The following MIB1 variants were observed in gnomAD, a reference collection of about 807,000 sequenced individuals.
The protein encoded by MIB1 is MIB E3 ubiquitin protein ligase 1, also known as E3 ubiquitin-protein ligase MIB1.
Under a neutral mutation model 124.5 loss-of-function variants are expected in MIB1, and 278 were observed. The observed-to-expected ratio is 2.23, with a 90% CI of 2.02 to 2.47. The LOEUF is 2.47. Among genes scored for constraint, MIB1 ranks in the 30% most tolerant of loss-of-function variants. The pLI is 0.00. For synonymous variants in MIB1, 446 were observed against 429.4 expected (o/e 1.04, Z -0.48); for missense variants, 957 against 1,254.4 (o/e 0.76, Z 3.58).
At position 21,735,473 on chromosome 18, in the gene MIB1, GT is replaced by G. The variant is rs541103508; in HGVS notation, n.168-30285del. Among the ~76,000 whole-genome samples the G allele has an allele frequency of 3.9e-3, 570 of 145,284 alleles. 3 individuals are homozygous for G. The highest frequency in any genetic ancestry group is 9.7e-3 in the African/African-American group (387 of 39,930). ...GGCAGATACTGAGCTAGCTGCAAGG[GT>G]TTTTTTTTTTTTTCATACCCCGGTG... On this transcript the variant is annotated intron_variant and non_coding_transcript_variant, in intron 1 of 20. Transcript: ENST00000578646.
At chr18:21,829,503 A>T (rs898097261) in intron 12 of MIB1, 3 of 152,298 alleles carry the variant, frequency 2.0e-5, no homozygotes, top group African/African-American at 4.8e-5. Flanking sequence ...TACAAACTAG[A>T]TATCTTACTC....
At chr18:21,731,733 C>CAAAAAAAAAAAAAAAAAAAAAAAAAAAA (rs1229088832) in intron 1 of MIB1, among the ~76,000 whole-genome samples, 1 of 35,896 alleles carries the variant, frequency 2.8e-5, no homozygotes, top group Non-Finnish European at 5.0e-5. Context: ...CCCCGTCTCA[C>CAAAAAAAAAAAAAAAAAAAAAAAAAAAA]AAAAAAAAAA....
At position 21,847,041 on chromosome 18, in the gene MIB1, A is replaced by G; in HGVS notation, c.2309A>G (p.Asn770Ser). Reference protein sequence around the residue: ...AANGADLSIRNKKGQSPLDLC... With the variant: ...AANGADLSIRSKKGQSPLDLC... ...AATGGTGCTGACCTGAGCATTCGAA[A>G]TAAGAAGGGTCAATCGCCACTTGAT... is the stretch of plus-strand genomic sequence containing the variant. The change falls in exon 16 of 21, where the codon AAT becomes AGT. Residue 770 changes from asparagine (N) to serine (S), a missense_variant. Physicochemically the swap from Asn to Ser is conservative, Grantham distance 46. Transcript: ENST00000261537. 2 of 1,614,192 alleles carry G rather than the reference A, an allele frequency of 1.2e-6. No individual in the cohort carries two copies. The highest frequency in any genetic ancestry group is 1.7e-6 in the Non-Finnish European group (2 of 1,180,026).
intron 12 of MIB1, among the ~76,000 whole-genome samples, chr18:21,834,874 TCAA>T (rs1450638691): frequency 2.0e-5 from 3 of 152,202 alleles, no homozygotes; most frequent in Non-Finnish European, 4.4e-5. Flanking sequence ...TAACAGCGCT[TCAA>T]CATTGGTTTA....
chr18:21,744,135 T>C (rs975225683), intron 1 of MIB1, among the ~76,000 whole-genome samples: 1 of 149,992 alleles, frequency 6.7e-6, no homozygotes, highest in Non-Finnish European at 1.5e-5. Context: ...TGAGCAAAAT[T>C]GTAAGCTCCT....
rs116984195 is a variant in MIB1, at chr18:21,743,974, A to T, written c.229+2162A>T. The stretch of plus-strand genomic sequence containing the variant: ...AGATAATTTTATACATTAATTTGTT[A>T]TATGTAGTGGTTTATCTTGTTCATT... On this transcript the variant is annotated intron_variant, in intron 1 of 20. Transcript: ENST00000261537. 2.5e-3 allele frequency among the ~76,000 whole-genome samples: 379 copies of T among 152,072 alleles called. 9 individuals are homozygous for T. In the East Asian group the frequency reaches 0.056, roughly 22 times the overall value.
At chr18:21,766,358 A>G (rs2041158902) in intron 2 of MIB1, among the ~76,000 whole-genome samples, 1 of 151,252 alleles carries the variant, frequency 6.6e-6, no homozygotes, top group Non-Finnish European at 1.5e-5. Flanking sequence ...TATGGACACT[A>G]GAAGATAAAT....
Position 21,741,688 on chromosome 18 carries a change from T to C in MIB1, c.105T>C (p.His35=), listed in dbSNP as rs372098137. 56 of 1,611,368 alleles carry C rather than the reference T, an allele frequency of 3.5e-5. No individual in the cohort carries two copies. In the African/African-American group the frequency reaches 5.7e-4, roughly 17 times the overall value. ...KWGKQDGGEG[H]VGTVRSFESP... is the part of the protein sequence containing the mutation. Reference sequence around the variant, plus strand: ...GGAAGCAGGACGGCGGCGAGGGCCATGTGGGCACCGTCCGGAGCTTCGAGA... The same window carrying C: ...GGAAGCAGGACGGCGGCGAGGGCCACGTGGGCACCGTCCGGAGCTTCGAGA... Residue 35 remains histidine (H), a synonymous_variant, in exon 1 of 21, where the codon CAT becomes CAC. Coordinates refer to ENST00000261537, the MANE Select transcript of MIB1 (RefSeq NM_020774.4). The surrounding 1 kb of genome is among the most constrained non-coding windows in gnomAD (Gnocchi z 5.4).
intron 15 of MIB1, among the ~76,000 whole-genome samples, chr18:21,845,576 G>A (rs938361170): frequency 1.3e-5 from 2 of 152,018 alleles, no homozygotes; most frequent in African/African-American, 4.8e-5. Context: ...ATTTACTTGT[G>A]GATATCCAGT....
At chr18:21,836,652 TTTAAA>T (rs1239621920) in intron 12 of MIB1, among the ~76,000 whole-genome samples, 5 of 152,372 alleles carry the variant, frequency 3.3e-5, no homozygotes, top group South Asian at 2.1e-4. Context: ...ACAATTTTTG[TTTAAA>T]TTAATGACAA....
chr18:21,731,355 T>C (rs1002886413), intron 1 of MIB1, among the ~76,000 whole-genome samples: 1 of 152,240 alleles, frequency 6.6e-6, no homozygotes, highest in Non-Finnish European at 1.5e-5. Flanking sequence ...TGCTGAGTAT[T>C]ATTCTATTGT....
chr18:21,822,748 G>C (rs555564461), intron 12 of MIB1, among the ~76,000 whole-genome samples: 55 of 152,164 alleles, frequency 3.6e-4, no homozygotes, highest in African/African-American at 1.2e-3. Context: ...AAGACAGAAG[G>C]TGCCATTTTT....
chr18:21,858,569 CA>C lies in MIB1; in HGVS notation c.2807del (p.Lys936ArgfsTer32). ...DISSGNIPVLQKDKDNTNVNA... is the reference protein window; with the variant it reads ...DISSGNIPVLXKDKDNTNVNA... Reference sequence around the variant, plus strand: ...AGCAAGTGGGAATATTCCAGTATTACAAAAGGACAAGGATAATACCAATGTC... The same window carrying C: ...AGCAAGTGGGAATATTCCAGTATTACAAAGGACAAGGATAATACCAATGTC... On this transcript the variant is annotated frameshift_variant, in exon 20 of 21. Transcript: ENST00000261537. LOFTEE classifies it high-confidence loss of function. 6.3e-7 allele frequency: 1 copy of C among 1,581,516 alleles called. No homozygotes were observed. Among genetic ancestry groups the C allele is most frequent in the Non-Finnish European group, 8.7e-7 (1 of 1,152,832 alleles).
At chr18:21,841,967 A>G (rs1309818555) in intron 13 of MIB1, among the ~76,000 whole-genome samples, 1 of 151,932 alleles carries the variant, frequency 6.6e-6, no homozygotes, top group African/African-American at 2.4e-5. Flanking sequence ...AATAGACATG[A>G]TAAAGAATTA....
intron 10 of MIB1, among the ~76,000 whole-genome samples, chr18:21,809,211 A>T (rs1013293818): frequency 8.5e-5 from 13 of 152,242 alleles, no homozygotes; most frequent in African/African-American, 3.1e-4. Flanking sequence ...AGACAGAATC[A>T]TGAAGAAATA....
At chr18:21,838,140 A>G (rs1654444476) in intron 12 of MIB1, among the ~76,000 whole-genome samples, 1 of 152,104 alleles carries the variant, frequency 6.6e-6, no homozygotes, top group African/African-American at 2.4e-5. Context: ...GGTGGCATGT[A>G]CCTGTAGTCT....
chr18:21,800,187 A>T (rs1242093257), intron 9 of MIB1, among the ~76,000 whole-genome samples: 1 of 152,050 alleles, frequency 6.6e-6, no homozygotes, highest in Non-Finnish European at 1.5e-5. Flanking sequence ...GACCTTTTTT[A>T]TGATTTACAC....
chr18:21,770,943 G>A (rs1018689501), intron 3 of MIB1, among the ~76,000 whole-genome samples: 41 of 152,030 alleles, frequency 2.7e-4, no homozygotes, highest in African/African-American at 9.7e-4. Flanking sequence ...TAAATTAGTT[G>A]TTAGATCTAG....
intron 10 of MIB1, among the ~76,000 whole-genome samples, chr18:21,814,162 GAGGCAAATCT>G (rs901037324): frequency 6.6e-6 from 1 of 152,126 alleles, no homozygotes; most frequent in African/African-American, 2.4e-5. Flanking sequence ...TACAGGAGGT[GAGGCAAATCT>G]ATTTGATTCT....
Sources: gnomAD v4.1 joint callset for allele counts (sites outside exome capture counted in the v4.1 genomes callset) on GRCh38, gnomAD v4.1.1 for gene constraint, Gnocchi (gnomAD v3.1) non-coding constraint, MANE v1.5 for transcripts, NCBI Gene and HGNC (gene_info 2026-07-23, HGNC 2026-07-21) for gene names.